WWTR1: variants seen among roughly 807,000 people sequenced by gnomAD.
The protein encoded by WWTR1 is WW domain-containing transcription regulator protein 1.
Under a neutral mutation model 40.1 loss-of-function variants are expected in WWTR1, and 13 were observed. The ratio of observed to expected loss-of-function variants is 0.32; its 90% CI spans 0.21 to 0.52. The LOEUF (loss-of-function observed/expected upper bound fraction) is 0.52, where lower values mean the gene tolerates loss of function less well. Among genes scored for constraint, WWTR1 ranks in the 20% least tolerant of loss-of-function variants. The pLI is 0.97. For synonymous variants in WWTR1, 230 were observed against 210.1 expected (o/e 1.09, Z -0.82); for missense variants, 436 against 523.1 (o/e 0.83, Z 1.63).
intron 1 of WWTR1, among the ~76,000 whole-genome samples, chr3:149,687,506 G>T (rs1472645960): frequency 6.6e-6 from 1 of 152,164 alleles, no homozygotes; most frequent in Non-Finnish European, 1.5e-5. Flanking sequence ...AATTACAGTA[G>T]CTAATAATAT....
At chr3:149,527,304 T>C (rs1193045594) in intron 5 of WWTR1, among the ~76,000 whole-genome samples, 8 of 152,048 alleles carry the variant, frequency 5.3e-5, no homozygotes, top group Admixed American at 4.6e-4. Flanking sequence ...TGCACCACCA[T>C]GCCCTGCTAA....
intron 1 of WWTR1, among the ~76,000 whole-genome samples, chr3:149,691,084 A>C (rs1349662845): frequency 6.6e-6 from 1 of 152,036 alleles, no homozygotes; most frequent in Non-Finnish European, 1.5e-5. Context: ...AAAATTTAAA[A>C]ATTTTTTTTT....
At chr3:149,701,025 C>T (rs546695320) in intron 1 of WWTR1, among the ~76,000 whole-genome samples, 4 of 152,314 alleles carry the variant, frequency 2.6e-5, no homozygotes, top group Non-Finnish European at 4.4e-5. Flanking sequence ...CAGCTGCAAT[C>T]GGTGCGGTAG....
intron 3 of WWTR1, among the ~76,000 whole-genome samples, chr3:149,548,675 C>G (rs1340720974): frequency 6.6e-6 from 1 of 152,200 alleles, no homozygotes. Context: ...TGGCTCCCTT[C>G]AAATCCTTCT....
intron 2 of WWTR1, among the ~76,000 whole-genome samples, chr3:149,645,986 C>T (rs1712505249): frequency 6.6e-6 from 1 of 151,998 alleles, no homozygotes; most frequent in Admixed American, 6.6e-5. Flanking sequence ...ACTGTAGAAG[C>T]CACAAAGACA....
At chr3:149,644,118 C>T (rs780118279) in intron 2 of WWTR1, among the ~76,000 whole-genome samples, 3 of 152,158 alleles carry the variant, frequency 2.0e-5, no homozygotes, top group Admixed American at 6.5e-5. Flanking sequence ...GCTCCCAGTA[C>T]GGCTTGCTAC....
chr3:149,575,952 C>T (rs890961678), intron 2 of WWTR1: 18 of 456,638 alleles, frequency 3.9e-5, no homozygotes, highest in African/African-American at 3.2e-4. Context: ...CTCCACGGCC[C>T]ACCCTTCAAA....
upstream of WWTR1, among the ~76,000 whole-genome samples, chr3:149,704,761 G>C (rs1715285390): frequency 2.0e-5 from 3 of 151,636 alleles, 1 homozygote; most frequent in South Asian, 6.2e-4. Flanking sequence ...GTGCCCATTA[G>C]CTCTAAAATA....
intron 2 of WWTR1, among the ~76,000 whole-genome samples, chr3:149,644,052 C>T (rs1712345135): frequency 1.3e-5 from 2 of 152,168 alleles, no homozygotes; most frequent in African/African-American, 4.8e-5. Context: ...CTCCCTTGGG[C>T]ATCTTAAAGT....
Position 149,682,335 on chromosome 3 carries a change from G to C in WWTR1, c.-107-12444C>G, listed in dbSNP as rs556811461. Among the ~76,000 whole-genome samples the C allele has an allele frequency of 3.9e-5, 6 of 152,270 alleles. No homozygotes were observed. In the South Asian group the frequency reaches 1.2e-3, roughly 32 times the overall value. ...GTCATCCCTAAAGTCAGATGTTTTTGAAGGCAGATAATAATAGTAAGTGAA... is the reference window on the plus strand; with the variant it reads ...GTCATCCCTAAAGTCAGATGTTTTTCAAGGCAGATAATAATAGTAAGTGAA... On this transcript the variant is annotated intron_variant, in intron 1 of 7. Coordinates refer to the WWTR1 transcript ENST00000465804.
At chr3:149,563,362 A>G (rs1216409378) in intron 3 of WWTR1, among the ~76,000 whole-genome samples, 1 of 152,116 alleles carries the variant, frequency 6.6e-6, no homozygotes, top group Non-Finnish European at 1.5e-5. Flanking sequence ...TCTCAGGCCC[A>G]CTCTCTGCAA....
In WWTR1 at chr3:149,573,705, G is replaced by C. The variant is rs1320139265; in HGVS notation, c.432-705C>G. Among the ~76,000 whole-genome samples, 5 of 152,292 alleles carry C rather than the reference G, an allele frequency of 3.3e-5. 1 individual carries two copies. In the Middle Eastern group the frequency reaches 0.017, roughly 518 times the overall value. On this transcript the variant is annotated intron_variant, in intron 2 of 6. Transcript: ENST00000360632. ...AGGCATGAAGGTTTACAAGGGAGAAGACATGATTACATGTTTGATCACATA... is the reference window on the plus strand; with the variant it reads ...AGGCATGAAGGTTTACAAGGGAGAACACATGATTACATGTTTGATCACATA...
At chr3:149,676,043 A>G (rs1324240999) in intron 1 of WWTR1, among the ~76,000 whole-genome samples, 1 of 152,180 alleles carries the variant, frequency 6.6e-6, no homozygotes, top group Non-Finnish European at 1.5e-5. Flanking sequence ...ATTTGCAGAA[A>G]CTGGTATCTA....
At chr3:149,565,770 G>T (rs1198001506) in intron 3 of WWTR1, among the ~76,000 whole-genome samples, 2 of 151,666 alleles carry the variant, frequency 1.3e-5, no homozygotes, top group Non-Finnish European at 2.9e-5. Context: ...AATTAGCCAG[G>T]CATGGTGGCA....
chr3:149,595,865 C>T (rs1738979180), intron 2 of WWTR1, among the ~76,000 whole-genome samples: 1 of 152,224 alleles, frequency 6.6e-6, no homozygotes, highest in African/African-American at 2.4e-5. Context: ...AACCCCATCT[C>T]TACTAAAAAT....
At chr3:149,598,571 C>G (rs1302899562) in intron 2 of WWTR1, among the ~76,000 whole-genome samples, 2 of 152,200 alleles carry the variant, frequency 1.3e-5, no homozygotes, top group African/African-American at 4.8e-5. Context: ...GCGTGAGCCA[C>G]TGTGCCTGGC....
At chr3:149,610,919 G>A (rs1161336335) in intron 2 of WWTR1, among the ~76,000 whole-genome samples, 1 of 151,934 alleles carries the variant, frequency 6.6e-6, no homozygotes, top group Non-Finnish European at 1.5e-5. Context: ...AAGGTGGGAG[G>A]ATCGCTTGAA....
chr3:149,658,741 C>A (rs1433286649), upstream of WWTR1: 3 of 152,276 alleles, frequency 2.0e-5, no homozygotes, highest in Non-Finnish European at 4.4e-5. Context: ...TCAAACCATT[C>A]ATCAATCCTT....
chr3:149,578,575 T>C lies in WWTR1; in HGVS notation c.432-5575A>G, dbSNP rs1481968236. On this transcript the variant is annotated intron_variant, in intron 2 of 6. Transcript: ENST00000360632. ...AAAAATCAAAAACATTGTGCAAACATAGTAAAGGCAAAGATAAAAATCTTA... is the reference window on the plus strand; with the variant it reads ...AAAAATCAAAAACATTGTGCAAACACAGTAAAGGCAAAGATAAAAATCTTA... Among the ~76,000 whole-genome samples, 8 of 152,238 alleles carry C rather than the reference T, an allele frequency of 5.3e-5. No homozygotes were observed. The East Asian group carries it at 1.4e-3, about 26-fold the overall frequency.
Sources: allele counts gnomAD v4.1 joint callset (sites outside exome capture counted in the v4.1 genomes callset), GRCh38; gene constraint gnomAD v4.1.1; transcripts MANE v1.5; gene names NCBI Gene and HGNC (gene_info 2026-07-23, HGNC 2026-07-21).